AKAP13: variants seen among roughly 807,000 people sequenced by gnomAD.
AKAP13 encodes the protein A-kinase anchor protein 13.
Under a neutral mutation model 264.5 loss-of-function variants are expected in AKAP13, and 80 were observed. That is an observed-to-expected ratio of 0.30 (90% CI 0.25 to 0.36). The LOEUF (loss-of-function observed/expected upper bound fraction) is 0.36. AKAP13 is among the 10% of genes least tolerant of loss of function. AKAP13 has a pLI of 1.00. For missense variants in AKAP13, 3,712 were observed against 3,435.2 expected (o/e 1.08, Z -2.01); for synonymous variants, 1,380 against 1,250.2 (o/e 1.10, Z -2.19).
At chr15:85,406,576 C>T (rs2071677420) in intron 1 of AKAP13, among the ~76,000 whole-genome samples, 1 of 149,576 alleles carries the variant, frequency 6.7e-6, no homozygotes, top group African/African-American at 2.5e-5. Flanking sequence ...AAGTGTAGAT[C>T]AATTATGGTA....
At chr15:85,704,225 G>C (rs1480720225) in intron 17 of AKAP13, among the ~76,000 whole-genome samples, 1 of 152,098 alleles carries the variant, frequency 6.6e-6, no homozygotes, top group Non-Finnish European at 1.5e-5. Context: ...TTTTTTGTCA[G>C]AGCCTTGGCT....
At chr15:85,661,530 C>T (rs1416621956) in intron 12 of AKAP13, among the ~76,000 whole-genome samples, 2 of 151,870 alleles carry the variant, frequency 1.3e-5, no homozygotes, top group Admixed American at 6.6e-5. Flanking sequence ...ACCAGCCTGA[C>T]CAACATGGTG....
chr15:85,718,246 G>GT lies in AKAP13; in HGVS notation c.6001+93dup, dbSNP rs1483030692. ...TAATTTGTTGGACTATGAAAAATCA[G>GT]TTTTTTAGTATGTGGCTTCTTGAAA... On this transcript the variant is annotated intron_variant, in intron 22 of 36. Coordinates refer to ENST00000394518, the MANE Select transcript of AKAP13 (RefSeq NM_007200.5). This position sits in a 1 kb window ranked among gnomAD's most constrained non-coding sequence, Gnocchi z 4.9. 1.3e-6 allele frequency: 2 copies of GT among 1,501,986 alleles called. No individual in the cohort carries two copies. The highest frequency in any genetic ancestry group is 1.8e-6 in the Non-Finnish European group (2 of 1,104,212). The allele number at this position is 1,501,986 out of a possible 1,614,324, so 93.0% of individuals were successfully genotyped here.
rs1273607584 is a variant in AKAP13 at position 85,747,509 on chromosome 15, T to TG, written c.*2834dup. The stretch of plus-strand genomic sequence containing the variant: ...CTGTGCTTAAGTTTTGGGGGAAAGA[T>TG]GGAGTTCCTATCCAGAGCCCCCAGA... On this transcript the variant is annotated 3_prime_UTR_variant, in exon 37 of 37. Transcript: ENST00000394518. 1.3e-5 allele frequency: 2 copies of TG among 152,628 alleles called. No homozygotes were observed. The highest frequency in any genetic ancestry group is 2.9e-5 in the Non-Finnish European group (2 of 68,046). 9.5% of individuals were successfully genotyped at this position (152,628 alleles called of 1,614,324 possible).
At chr15:85,714,922 G>A (rs183249389) in intron 19 of AKAP13, among the ~76,000 whole-genome samples, 28 of 152,128 alleles carry the variant, frequency 1.8e-4, no homozygotes, top group African/African-American at 6.5e-4. Flanking sequence ...AGCCAAGATC[G>A]CGCCACTGCA....
At chr15:85,631,246 C>T (rs1359069998) in intron 8 of AKAP13, among the ~76,000 whole-genome samples, 1 of 152,020 alleles carries the variant, frequency 6.6e-6, no homozygotes, top group Non-Finnish European at 1.5e-5. Flanking sequence ...GATAGAAATA[C>T]ATTCGTGGCT....
intron 3 of AKAP13, among the ~76,000 whole-genome samples, chr15:85,531,411 C>T (rs2077238504): frequency 6.6e-6 from 1 of 152,186 alleles, no homozygotes; most frequent in Non-Finnish European, 1.5e-5. Context: ...GATCATAGTG[C>T]CTGGACTTGA....
At chr15:85,493,008 G>A in intron 2 of AKAP13, among the ~76,000 whole-genome samples, 1 of 152,164 alleles carries the variant, frequency 6.6e-6, no homozygotes, top group Admixed American at 6.5e-5. Context: ...TTCTGGTTTG[G>A]AGGTATCTTT....
chr15:85,741,643 A>G, intron 35 of AKAP13, 148 bp downstream of exon 35: 1 of 1,160,768 alleles, frequency 8.6e-7, no homozygotes, highest in South Asian at 2.1e-5. Flanking sequence ...TAGGAGGCTG[A>G]GGTGAGAGGG....
intron 12 of AKAP13, among the ~76,000 whole-genome samples, chr15:85,663,849 A>G (rs763485903): frequency 1.3e-5 from 2 of 152,224 alleles, no homozygotes; most frequent in Non-Finnish European, 2.9e-5. Flanking sequence ...CCAAATCCTG[A>G]CTGCCTTTGT....
chr15:85,488,652 G>A (rs1457425059), intron 2 of AKAP13, among the ~76,000 whole-genome samples: 1 of 152,196 alleles, frequency 6.6e-6, no homozygotes, highest in Non-Finnish European at 1.5e-5. Flanking sequence ...TATCAGGAGA[G>A]TCAGTGGTCA....
At chr15:85,609,638 A>G (rs1321517010) in intron 8 of AKAP13, among the ~76,000 whole-genome samples, 1 of 152,188 alleles carries the variant, frequency 6.6e-6, no homozygotes, top group African/African-American at 2.4e-5. Flanking sequence ...CCTAGATCAT[A>G]CGGTGGTTTT....
At chr15:85,610,034 A>T (rs2080533310) in intron 8 of AKAP13, among the ~76,000 whole-genome samples, 1 of 152,138 alleles carries the variant, frequency 6.6e-6, no homozygotes. Context: ...GTATTTGTAT[A>T]TCTCTCATAA....
chr15:85,486,031 C>T (rs535628180), intron 2 of AKAP13, among the ~76,000 whole-genome samples: 91 of 152,326 alleles, frequency 6.0e-4, no homozygotes, highest in Middle Eastern at 3.4e-3. Flanking sequence ...TCCTGCCAAA[C>T]AGTACTGTAG....
At chr15:85,423,889 C>G (rs2072642805) in intron 1 of AKAP13, among the ~76,000 whole-genome samples, 1 of 152,194 alleles carries the variant, frequency 6.6e-6, no homozygotes, top group African/African-American at 2.4e-5. Context: ...CAACATTAAC[C>G]TCCTTGTTCA....
chr15:85,473,244 C>T (rs978326846), intron 1 of AKAP13, among the ~76,000 whole-genome samples: 1 of 151,700 alleles, frequency 6.6e-6, no homozygotes, highest in Non-Finnish European at 1.5e-5. Context: ...GTTAACTGGG[C>T]GCGGGTGTGG....
chr15:85,509,277 G>A (rs182922396), intron 2 of AKAP13, among the ~76,000 whole-genome samples: 2 of 152,212 alleles, frequency 1.3e-5, no homozygotes, highest in East Asian at 1.9e-4. Flanking sequence ...CATGTGTGGC[G>A]GCTGATACCT....
chr15:85,599,451 T>C (rs2079959464), intron 8 of AKAP13, among the ~76,000 whole-genome samples: 1 of 152,216 alleles, frequency 6.6e-6, no homozygotes, highest in South Asian at 2.1e-4. Flanking sequence ...CTGGAGGGTC[T>C]TAAGTGATTC....
intron 10 of AKAP13, among the ~76,000 whole-genome samples, chr15:85,653,781 AT>A (rs1156727441): frequency 6.6e-6 from 1 of 152,178 alleles, no homozygotes; most frequent in Non-Finnish European, 1.5e-5. Flanking sequence ...CCCTGCCCCC[AT>A]CCCGTAAGAG....
Sources: gnomAD v4.1 joint callset for allele counts (sites outside exome capture counted in the v4.1 genomes callset) on GRCh38, gnomAD v4.1.1 for gene constraint, Gnocchi (gnomAD v3.1) non-coding constraint, MANE v1.5 for transcripts, NCBI Gene and HGNC (gene_info 2026-07-23, HGNC 2026-07-21) for gene names.